DIAPH2: variants seen among roughly 807,000 people sequenced by gnomAD.
The protein encoded by DIAPH2 is protein diaphanous homolog 2.
DIAPH2 carries 35 observed loss-of-function variants against 92.7 expected under a neutral mutation model. That is an observed-to-expected ratio of 0.38 (90% CI 0.29 to 0.50). The LOEUF (loss-of-function observed/expected upper bound fraction) is 0.50. DIAPH2 is among the 20% of genes least tolerant of loss of function. DIAPH2 has a pLI of 0.94. For synonymous variants in DIAPH2, 301 were observed against 280.4 expected (o/e 1.07, Z -0.73); for missense variants, 701 against 819.5 (o/e 0.86, Z 1.77).
intron 17 of DIAPH2, among the ~76,000 whole-genome samples, chrX:97,066,318 TATACAA>T (rs1306976628): frequency 3.6e-5 from 4 of 112,482 alleles, no homozygotes; most frequent in Non-Finnish European, 5.6e-5. Flanking sequence ...TATGTTTAGA[TATACAA>T]ATACCATTTT....
intron 5 of DIAPH2, among the ~76,000 whole-genome samples, chrX:96,908,896 G>A (rs2065451486): frequency 8.9e-6 from 1 of 111,911 alleles, no homozygotes; most frequent in Admixed American, 9.5e-5. Flanking sequence ...ACCGCTCCCG[G>A]CCCTCAACTG....
At chrX:97,240,373 G>C (rs1037339450) in intron 22 of DIAPH2, among the ~76,000 whole-genome samples, 1 of 111,257 alleles carries the variant, frequency 9.0e-6, no homozygotes, top group Non-Finnish European at 1.9e-5. Context: ...TTGGGAGGCC[G>C]AGGAGGGTGG....
chrX:97,395,840 A>T (rs185693360), intron 25 of DIAPH2, among the ~76,000 whole-genome samples: 70 of 112,635 alleles, frequency 6.2e-4, no homozygotes, highest in African/African-American at 2.0e-3. Context: ...GCAGAAACTC[A>T]GATTTGCAAA....
chrX:97,229,829 A>T (rs866887890), intron 22 of DIAPH2, among the ~76,000 whole-genome samples: 2 of 102,611 alleles, frequency 1.9e-5, no homozygotes, highest in East Asian at 3.0e-4. Context: ...ATATAATAAC[A>T]ATATTACATC....
At chrX:96,811,308 GCTCT>G (rs1244164028) in intron 4 of DIAPH2, among the ~76,000 whole-genome samples, 9 of 111,159 alleles carry the variant, frequency 8.1e-5, no homozygotes, top group African/African-American at 2.9e-4. Context: ...TCATGATTTG[GCTCT>G]CTGTTTGTCT....
chrX:97,470,515 G>A (rs916804774), intron 26 of DIAPH2, among the ~76,000 whole-genome samples: 2 of 110,440 alleles, frequency 1.8e-5, no homozygotes, highest in African/African-American at 6.6e-5. Flanking sequence ...TTACATATTC[G>A]TATTCTACTA....
intron 26 of DIAPH2, among the ~76,000 whole-genome samples, chrX:97,495,477 C>T (rs753014462): frequency 2.7e-4 from 30 of 111,880 alleles, no homozygotes; most frequent in Non-Finnish European, 4.9e-4. Context: ...CCTTTCTACA[C>T]ATCACTGTTA....
intron 23 of DIAPH2, among the ~76,000 whole-genome samples, chrX:97,267,021 T>C (rs1163915096): frequency 8.9e-6 from 1 of 112,169 alleles, no homozygotes; most frequent in African/African-American, 3.2e-5. Flanking sequence ...GGTTGCAAAG[T>C]ACAGCTAACC....
intron 22 of DIAPH2, among the ~76,000 whole-genome samples, chrX:97,191,361 G>T (rs2067652479): frequency 9.1e-6 from 1 of 110,377 alleles, no homozygotes; most frequent in South Asian, 3.9e-4. Context: ...AAAATGTATT[G>T]CTTCTTGGCC....
intron 23 of DIAPH2, among the ~76,000 whole-genome samples, chrX:97,319,755 C>T (rs2068875253): frequency 9.1e-6 from 1 of 110,373 alleles, no homozygotes; most frequent in Non-Finnish European, 1.9e-5. Flanking sequence ...AGTAGGCACT[C>T]AGTCAGTATC....
intron 26 of DIAPH2, among the ~76,000 whole-genome samples, chrX:97,515,138 A>G (rs2070933287): frequency 8.9e-6 from 1 of 111,769 alleles, no homozygotes; most frequent in Non-Finnish European, 1.9e-5. Flanking sequence ...TTGATCTCAG[A>G]CTGCTGTGCT....
chrX:96,907,589 T>C (rs2065441726), intron 5 of DIAPH2, among the ~76,000 whole-genome samples: 1 of 112,192 alleles, frequency 8.9e-6, no homozygotes. Flanking sequence ...GTCACTTAAC[T>C]ACTTTGCTTC....
chrX:97,274,225 A>C (rs2068418065), intron 23 of DIAPH2, among the ~76,000 whole-genome samples: 1 of 111,234 alleles, frequency 9.0e-6, no homozygotes, highest in African/African-American at 3.3e-5. Context: ...AAGAAACATA[A>C]CTAGCCAGGC....
chrX:96,766,121 G>C (rs1469857657), intron 4 of DIAPH2, among the ~76,000 whole-genome samples: 1 of 109,758 alleles, frequency 9.1e-6, no homozygotes. Context: ...AAGAAACTAG[G>C]TCTAACGGGG....
intron 4 of DIAPH2, among the ~76,000 whole-genome samples, chrX:96,787,509 A>C (rs2064465795): frequency 9.1e-6 from 1 of 110,407 alleles, no homozygotes; most frequent in South Asian, 3.9e-4. Context: ...ATTGGTTAAA[A>C]AATTAGGCTT....
chrX:97,314,038 C>T (rs1255264424), intron 23 of DIAPH2, among the ~76,000 whole-genome samples: 2 of 110,435 alleles, frequency 1.8e-5, no homozygotes, highest in African/African-American at 6.6e-5. Context: ...CTTTGAATGG[C>T]CTAGTCAGGA....
chrX:96,882,971 A>AC (rs2065226331), intron 5 of DIAPH2, among the ~76,000 whole-genome samples: 1 of 99,650 alleles, frequency 1.0e-5, no homozygotes, highest in African/African-American at 3.6e-5. Flanking sequence ...AAAAAAAAAA[A>AC]AAAAAAAAAA....
intron 26 of DIAPH2, among the ~76,000 whole-genome samples, chrX:97,563,055 A>T (rs1306064292): frequency 8.9e-6 from 1 of 112,440 alleles, no homozygotes; most frequent in East Asian, 2.8e-4. Context: ...TTCTGTATTT[A>T]TAATAAGCCC....
chrX:97,398,741 A>ATTT (rs1402119361), intron 25 of DIAPH2, among the ~76,000 whole-genome samples: 5 of 95,937 alleles, frequency 5.2e-5, no homozygotes, highest in African/African-American at 1.2e-4. Context: ...GAAGGATGTG[A>ATTT]TTTTTTTTTT....
Sources: gnomAD v4.1 joint callset for allele counts (sites outside exome capture counted in the v4.1 genomes callset) on GRCh38, gnomAD v4.1.1 for gene constraint, MANE v1.5 for transcripts, NCBI Gene and HGNC (gene_info 2026-07-23, HGNC 2026-07-21) for gene names.